Variants in STIM1 observed in about 807,000 individuals in gnomAD.
STIM1 encodes the protein stromal interaction molecule 1.
In STIM1, 25 loss-of-function variants were observed where a neutral mutation model predicts 74.7. That is an observed-to-expected ratio of 0.33 (90% CI 0.24 to 0.47). The LOEUF is 0.47. STIM1 is among the 20% of genes least tolerant of loss of function. The pLI is 1.00. For synonymous variants in STIM1, 328 were observed against 348.8 expected, an observed-to-expected ratio of 0.94 and a Z score of 0.66; for missense variants, 728 against 920.8, an observed-to-expected ratio of 0.79 and a Z score of 2.71.
intron 1 of STIM1, among the ~76,000 whole-genome samples, chr11:3,933,480 C>T (rs964649920): frequency 6.6e-6 from 1 of 152,182 alleles, no homozygotes; most frequent in African/African-American, 2.4e-5. Context: ...AGGTCCAACT[C>T]TAAAGTCCAT....
chr11:4,053,415 A>G (rs1359333609), intron 3 of STIM1, among the ~76,000 whole-genome samples: 1 of 152,174 alleles, frequency 6.6e-6, no homozygotes. Context: ...AAAAGGATGA[A>G]TTCATGTCCT....
At chr11:4,054,645 T>A (rs1415604099) in intron 3 of STIM1, among the ~76,000 whole-genome samples, 1 of 152,198 alleles carries the variant, frequency 6.6e-6, no homozygotes, top group Non-Finnish European at 1.5e-5. Flanking sequence ...AACAGTTTCA[T>A]GCTGAAACCA....
chr11:4,012,048 A>G (rs187242908), intron 2 of STIM1, among the ~76,000 whole-genome samples: 242 of 152,178 alleles, frequency 1.6e-3, no homozygotes, highest in African/African-American at 5.4e-3. Context: ...GTGTGGTGTT[A>G]TTTCTGAGGG....
At position 3,856,006 on chromosome 11, in the gene STIM1, G is replaced by A; in HGVS notation, c.-265G>A. The A allele has an allele frequency of 1.9e-6, 1 of 527,412 alleles. No homozygotes were observed. Among genetic ancestry groups the A allele is most frequent in the African/African-American group, 1.9e-5 (1 of 52,382 alleles). 32.7% of individuals were successfully genotyped at this position (527,412 alleles called of 1,614,324 possible). ...CAGCCCCGCAGCCACCCTGCCCGAA[G>A]TCTCCGGAAGCGGCACGAGCTCAGG... On this transcript the variant is annotated 5_prime_UTR_variant, in exon 1 of 13. Transcript: ENST00000526596.
intron 1 of STIM1, among the ~76,000 whole-genome samples, chr11:3,930,179 G>T (rs10767715): frequency 0.24 from 37,174 of 151,978 alleles, 5,663 homozygotes; most frequent in South Asian, 0.45. Context: ...ACATGTATTT[G>T]ACCTTCACTA....
At chr11:3,905,000 C>CTCTG (rs1446944919) in intron 1 of STIM1, among the ~76,000 whole-genome samples, 1 of 152,020 alleles carries the variant, frequency 6.6e-6, no homozygotes, top group African/African-American at 2.4e-5. Context: ...AAGGATAGAG[C>CTCTG]AGAGAGGAAC....
At chr11:3,871,438 C>T (rs1456289264) in intron 1 of STIM1, among the ~76,000 whole-genome samples, 2 of 152,066 alleles carry the variant, frequency 1.3e-5, no homozygotes, top group South Asian at 2.1e-4. Context: ...GGGAAGTCAG[C>T]TGCTCTAGTA....
At chr11:4,035,994 T>C (rs2959075) in intron 3 of STIM1, among the ~76,000 whole-genome samples, 53,225 of 152,008 alleles carry the variant, frequency 0.35, 11,318 homozygotes, top group Non-Finnish European at 0.46. Flanking sequence ...CCATTAGCTG[T>C]TCTTCCTGAT....
intron 3 of STIM1, among the ~76,000 whole-genome samples, chr11:4,036,885 G>T (rs559398477): frequency 1.4e-3 from 214 of 152,228 alleles, no homozygotes; most frequent in Non-Finnish European, 2.5e-3. Flanking sequence ...TGACAAATGG[G>T]ATCTAATTAA....
At chr11:3,961,394 G>T in intron 1 of STIM1, 1 of 243,104 alleles carries the variant, frequency 4.1e-6, no homozygotes, top group South Asian at 6.0e-5. Flanking sequence ...GCTATAACTG[G>T]GGACATTAAT....
intron 1 of STIM1, among the ~76,000 whole-genome samples, chr11:3,941,669 TATATAGAG>T (rs1172287961): frequency 2.5e-3 from 214 of 86,356 alleles, no homozygotes; most frequent in African/African-American, 8.8e-3. Flanking sequence ...TATATATATA[TATATAGAG>T]AGAGAGAGAG....
chr11:3,904,869 A>T (rs2092437981), intron 1 of STIM1, among the ~76,000 whole-genome samples: 1 of 152,120 alleles, frequency 6.6e-6, no homozygotes, highest in Non-Finnish European at 1.5e-5. Context: ...TGAGTTTTGG[A>T]GTTCCTGAGA....
chr11:4,062,527 C>T (rs749895187), intron 5 of STIM1, among the ~76,000 whole-genome samples: 41 of 152,150 alleles, frequency 2.7e-4, no homozygotes, highest in Non-Finnish European at 5.0e-4. Flanking sequence ...GAGGTTGAGG[C>T]ATAAGAATTG....
intron 1 of STIM1, among the ~76,000 whole-genome samples, chr11:3,859,843 T>A (rs1393554892): frequency 6.6e-6 from 1 of 152,228 alleles, no homozygotes; most frequent in East Asian, 1.9e-4. Context: ...AGGGACACAC[T>A]AAGCCTGGGG....
chr11:4,013,127 A>G (rs2093856092), intron 2 of STIM1, among the ~76,000 whole-genome samples: 3 of 152,360 alleles, frequency 2.0e-5, no homozygotes, highest in Admixed American at 2.0e-4. Flanking sequence ...TCGGTGTGCC[A>G]GTATTTTATT....
intron 2 of STIM1, among the ~76,000 whole-genome samples, chr11:3,992,601 C>T (rs923112754): frequency 1.6e-4 from 25 of 152,078 alleles, no homozygotes; most frequent in African/African-American, 6.0e-4. Flanking sequence ...CTTTGAAGCA[C>T]AGAAGTTTTA....
intron 3 of STIM1, among the ~76,000 whole-genome samples, chr11:4,051,435 C>T (rs529115934): frequency 1.3e-5 from 2 of 151,776 alleles, no homozygotes; most frequent in East Asian, 1.9e-4. Context: ...CTCTGCTTCC[C>T]GAGTTCAAGC....
In STIM1 at chr11:4,091,472, C is replaced by G; in HGVS notation, c.1825C>G (p.Leu609Val). The change falls in exon 13 of 13, where the codon CTG becomes GTG. Residue 609 changes from leucine (L) to valine (V), a missense_variant. By Grantham distance (32) the Leu-to-Val change is conservative. Around this residue, in one of 5 missense-constraint regions of STIM1, gnomAD observed 352 missense variants for 370.1 expected, o/e 0.95. Coordinates refer to ENST00000526596, the MANE Select transcript of STIM1 (RefSeq NM_001382567.1). Reference sequence around the variant, plus strand: ...GGAGAAACTGCCTGACAGCCCTGCCCTGGCCAAGAAGGCATTACTGGCGCT... The same window carrying G: ...GGAGAAACTGCCTGACAGCCCTGCCGTGGCCAAGAAGGCATTACTGGCGCT... Reference protein sequence around the residue: ...LVEKLPDSPALAKKALLALNH... With the variant: ...LVEKLPDSPAVAKKALLALNH... The G allele has an allele frequency of 1.2e-6, 2 of 1,614,190 alleles. No homozygotes were observed. The highest frequency in any genetic ancestry group is 1.7e-6 in the Non-Finnish European group (2 of 1,180,028).
At chr11:3,907,532 G>A (rs1282982453) in intron 1 of STIM1, among the ~76,000 whole-genome samples, 7 of 152,004 alleles carry the variant, frequency 4.6e-5, no homozygotes, top group Admixed American at 3.3e-4. Flanking sequence ...CGTTACCATC[G>A]TCTCTTGCCT....
Sources: gnomAD v4.1 joint callset for allele counts (sites outside exome capture counted in the v4.1 genomes callset) on GRCh38, gnomAD v4.1.1 for gene constraint, gnomAD v4.1.1 regional missense constraint, MANE v1.5 for transcripts, NCBI Gene and HGNC (gene_info 2026-07-23, HGNC 2026-07-21) for gene names.